FLT4: variants seen among roughly 807,000 people sequenced by gnomAD.
The protein encoded by FLT4 is vascular endothelial growth factor receptor 3.
A neutral mutation model predicts 163.2 loss-of-function variants in FLT4; 30 were observed. That is an observed-to-expected ratio of 0.18 (90% CI 0.14 to 0.25). FLT4 has a LOEUF of 0.25. FLT4 is among the 10% of genes least tolerant of loss of function. The pLI is 1.00. For missense variants in FLT4, 1,510 were observed against 1,863.8 expected (o/e 0.81, Z 3.50); for synonymous variants, 884 against 789.5 (o/e 1.12, Z -2.01).
intron 13 of FLT4, 128 bp from the exon 14 acceptor site, chr5:180,621,380 C>A: frequency 1.4e-6 from 2 of 1,398,838 alleles, no homozygotes; most frequent in East Asian, 2.4e-5. Context: ...CGGGCAGGAG[C>A]GCGGCGCGCC....
chr5:180,649,541 T>C lies in FLT4; in HGVS notation c.5A>G (p.Gln2Arg). 1 of 1,434,058 alleles carries C rather than the reference T, an allele frequency of 7.0e-7. No individual in the cohort carries two copies. The highest frequency in any genetic ancestry group is 1.5e-5 in the African/African-American group (1 of 67,316). 88.8% of individuals were successfully genotyped at this position (1,434,058 alleles called of 1,614,324 possible). Residue 2 changes from glutamine (Q) to arginine (R), a missense_variant, in exon 1 of 30, where the codon CAG becomes CGG. Gln to Arg is a conservative substitution (Grantham distance 43). Around this residue, in one of 5 missense-constraint regions of FLT4, gnomAD observed 157 missense variants for 178.7 expected, o/e 0.88. Transcript: ENST00000261937. M[Q>R]RGAALCLRLW... is the part of the protein sequence containing the mutation. ...TCGCAGGCACAGCGCGGCGCCCCGCTGCATCTCCGGCCGCTGCGCGTGGGT... is the reference window on the plus strand; with the variant it reads ...TCGCAGGCACAGCGCGGCGCCCCGCCGCATCTCCGGCCGCTGCGCGTGGGT...
Position 180,602,877 on chromosome 5 carries a change from T to G in FLT4, c.*315A>C. On this transcript the variant is annotated 3_prime_UTR_variant, in exon 30 of 30. Coordinates refer to ENST00000261937, the MANE Select transcript of FLT4 (RefSeq NM_182925.5). The stretch of plus-strand genomic sequence containing the variant: ...CACCACCCAGTGTGATGAAAGGAGG[T>G]CGCCAAAGAGACATTCCCATGGAAG... 3.5e-6 allele frequency: 2 copies of G among 571,480 alleles called. No individual in the cohort carries two copies. Among genetic ancestry groups the G allele is most frequent in the Non-Finnish European group, 6.2e-6 (2 of 321,898 alleles). 35.4% of individuals were successfully genotyped at this position (571,480 alleles called of 1,614,324 possible). A position where few individuals can be genotyped will look rare whatever the true frequency, so the allele number is the denominator to read the frequency against.
intron 29 of FLT4, chr5:180,608,398 C>T (rs552467915): frequency 1.2e-5 from 8 of 695,034 alleles, no homozygotes; most frequent in Admixed American, 8.0e-5. Context: ...TAAATATCAG[C>T]GTGCTCAGCC....
At position 180,630,788 on chromosome 5, in the gene FLT4, G is replaced by A. The variant is rs754931643; in HGVS notation, c.167C>T (p.Pro56Leu). ...SLSISCRGQH[P>L]LEWAWPGAQE... Reference sequence around the variant, plus strand: ...AGCTCCTGGCCAAGCCCACTCGAGGGGGTGCTGTCCCCTGGCAGAGGACAG... The same window carrying A: ...AGCTCCTGGCCAAGCCCACTCGAGGAGGTGCTGTCCCCTGGCAGAGGACAG... Residue 56 changes from proline to leucine, a missense_variant, in exon 3 of 30, where the codon CCC (proline) becomes CTC (leucine). By Grantham distance (98) the Pro-to-Leu change is moderately conservative. This residue lies in a region of FLT4 where 157 missense variants were observed against 178.7 expected (regional missense o/e 0.88). Transcript: ENST00000261937. This position sits in a 1 kb window ranked among gnomAD's most constrained non-coding sequence, Gnocchi z 6.3. 1 of 1,604,052 alleles carries A rather than the reference G, an allele frequency of 6.2e-7. No homozygotes were observed.
At chr5:180,607,747 C>T (rs1438643833) in intron 29 of FLT4, among the ~76,000 whole-genome samples, 2 of 151,864 alleles carry the variant, frequency 1.3e-5, no homozygotes, top group Non-Finnish European at 1.5e-5. Flanking sequence ...CATTATCAGT[C>T]ATTAGTATAA....
intron 29 of FLT4, among the ~76,000 whole-genome samples, chr5:180,604,603 C>T (rs1761692626): frequency 6.6e-6 from 1 of 152,196 alleles, no homozygotes; most frequent in East Asian, 1.9e-4. Flanking sequence ...CTCGCCTTGA[C>T]CTAGGGGGTG....
intron 29 of FLT4, among the ~76,000 whole-genome samples, chr5:180,603,766 T>C (rs554785891): frequency 1.3e-5 from 2 of 151,676 alleles, no homozygotes; most frequent in Non-Finnish European, 2.9e-5. Flanking sequence ...TAGCCGGGCG[T>C]GGTGGCGGGC....
intron 13 of FLT4, 144 bp downstream of exon 13, chr5:180,621,398 G>C: frequency 7.1e-7 from 1 of 1,413,564 alleles, no homozygotes. Flanking sequence ...GCCTCCGCAG[G>C]GGGCGGCGGA....
rs373327722 is a variant in FLT4, at chr5:180,619,379, C to T, written c.2648-13G>A. ...GCCGTGGCGCCCTCTGGAGGGGACA[C>T]GGGCCTCACACCGGCCCCGACCCTG... On this transcript the variant is annotated splice_polypyrimidine_tract_variant and intron_variant, in intron 18 of 29. Coordinates refer to ENST00000261937, the MANE Select transcript of FLT4 (RefSeq NM_182925.5). 1.9e-6 allele frequency: 3 copies of T among 1,593,554 alleles called. No individual in the cohort carries two copies. In the African/African-American group the frequency reaches 4.0e-5, roughly 21 times the overall value.
intron 1 of FLT4, among the ~76,000 whole-genome samples, chr5:180,637,478 C>T (rs900437295): frequency 6.6e-6 from 1 of 152,220 alleles, no homozygotes; most frequent in Non-Finnish European, 1.5e-5. Flanking sequence ...GTCCCCCCAC[C>T]ACGGATTTCT....
At chr5:180,619,842 C>A in intron 17 of FLT4, 73 bp from the exon 18 acceptor site, 1 of 1,129,662 alleles carries the variant, frequency 8.9e-7, no homozygotes, top group Non-Finnish European at 1.3e-6. Flanking sequence ...GGCGGGGGAG[C>A]CCCGTGCAGA....
Position 180,620,810 on chromosome 5 carries a change from G to T in FLT4, c.2299+66C>A, listed in dbSNP as rs1214499904. The T allele has an allele frequency of 6.2e-7, 1 of 1,606,832 alleles. No homozygotes were observed. Among genetic ancestry groups the T allele is most frequent in the African/African-American group, 1.3e-5 (1 of 74,830 alleles). ...CTTCTGGTGGCCACGACTTGCCCAAGGTGGCCACAAGAAAGCGTTAACTGG... is the reference window on the plus strand; with the variant it reads ...CTTCTGGTGGCCACGACTTGCCCAATGTGGCCACAAGAAAGCGTTAACTGG... On this transcript the variant is annotated intron_variant, in intron 15 of 29. Coordinates refer to ENST00000261937, the MANE Select transcript of FLT4 (RefSeq NM_182925.5). This position sits in a 1 kb window ranked among gnomAD's most constrained non-coding sequence, Gnocchi z 4.4.
At position 180,603,308 on chromosome 5, in the gene FLT4, C is replaced by T. The variant is rs1180832689; in HGVS notation, c.3976G>A (p.Ala1326Thr). 3 of 1,613,890 alleles carry T rather than the reference C, an allele frequency of 1.9e-6. No homozygotes were observed. The highest frequency in any genetic ancestry group is 2.5e-6 in the Non-Finnish European group (3 of 1,179,920). ...QGRRRRPERG[A>T]RGGQVFYNSE... ...TTGTAAAACACCTGGCCTCCTCGGG[C>T]CCCCCGCTCAGGCCGCCGCCGCCTC... The change falls in exon 30 of 30, where the codon GCC becomes ACC. Residue 1326 changes from alanine to threonine, a missense_variant. Ala to Thr is a moderately conservative substitution (Grantham distance 58, BLOSUM62 0). Coordinates refer to ENST00000261937, the MANE Select transcript of FLT4 (RefSeq NM_182925.5).
chr5:180,619,646 C>A lies in FLT4; in HGVS notation c.2647+19G>T, dbSNP rs1459904168. On this transcript the variant is annotated intron_variant, in intron 18 of 29. Transcript: ENST00000261937. ...CTCCTCACCAGCTAGGCTGCCCCTT[C>A]CGCCCGCTGACCCCACACCTTTCAG... is the stretch of plus-strand genomic sequence containing the variant. 3 of 1,598,632 alleles carry A rather than the reference C, an allele frequency of 1.9e-6. No homozygotes were observed. The highest frequency in any genetic ancestry group is 2.6e-6 in the Non-Finnish European group (3 of 1,167,188).
rs1208386744 is a variant in FLT4, at chr5:180,629,717, G to A, written c.795C>T (p.Asp265=). ...TCACCTGCTTCCCTGGGTAGTCCCA[G>A]TCAAAGGTGACACCTGAGTTAAACT... ...WAEFNSGVTF[D]WDYPGKQAER... Residue 265 remains aspartate, a synonymous_variant, in exon 6 of 30, where the codon GAC becomes GAT. Transcript: ENST00000261937. 1 of 1,611,586 alleles carries A rather than the reference G, an allele frequency of 6.2e-7. No homozygotes were observed.
chr5:180,619,662 C>T lies in FLT4; in HGVS notation c.2647+3G>A, dbSNP rs753308828. On this transcript the variant is annotated splice_donor_region_variant and intron_variant, in intron 18 of 29. Coordinates refer to ENST00000261937, the MANE Select transcript of FLT4 (RefSeq NM_182925.5). ...CTGCCCCTTCCGCCCGCTGACCCCACACCTTTCAGCATTTTCACGGCCACG... is the reference window on the plus strand; with the variant it reads ...CTGCCCCTTCCGCCCGCTGACCCCATACCTTTCAGCATTTTCACGGCCACG... The T allele has an allele frequency of 6.2e-7, 1 of 1,610,778 alleles. No individual in the cohort carries two copies. Among genetic ancestry groups the T allele is most frequent in the South Asian group, 1.1e-5 (1 of 91,070 alleles).
intron 1 of FLT4, among the ~76,000 whole-genome samples, chr5:180,638,524 G>C (rs936493447): frequency 6.6e-6 from 1 of 152,220 alleles, no homozygotes; most frequent in African/African-American, 2.4e-5. Flanking sequence ...TGCAGTGAGT[G>C]ACACTTTAAA....
At position 180,621,271 on chromosome 5, in the gene FLT4, A is replaced by T. The variant is rs754617788; in HGVS notation, c.2021-19T>A. On this transcript the variant is annotated intron_variant, in intron 13 of 29. Coordinates refer to ENST00000261937, the MANE Select transcript of FLT4 (RefSeq NM_182925.5). Reference sequence around the variant, plus strand: ...TCCAGGGCTGGGGGCAGGGGTCGAGAGGGAGCTAAGTGGAGCTGCACTTAG... The same window carrying T: ...TCCAGGGCTGGGGGCAGGGGTCGAGTGGGAGCTAAGTGGAGCTGCACTTAG... 2 of 1,609,738 alleles carry T rather than the reference A, an allele frequency of 1.2e-6. No homozygotes were observed. Among genetic ancestry groups the T allele is most frequent in the Non-Finnish European group, 1.7e-6 (2 of 1,177,828 alleles).
At position 180,602,847 on chromosome 5, in the gene FLT4, C is replaced by A; in HGVS notation, c.*345G>T. On this transcript the variant is annotated 3_prime_UTR_variant, in exon 30 of 30. Transcript: ENST00000261937. ...AGATTCCTCGTGGGAAAACAGGGAC[C>A]AGGCCACCACCCAGTGTGATGAAAG... The A allele has an allele frequency of 1.8e-6, 1 of 558,716 alleles. No homozygotes were observed. Among genetic ancestry groups the A allele is most frequent in the Non-Finnish European group, 3.2e-6 (1 of 315,900 alleles). The allele number at this position is 558,716 out of a possible 1,614,324, so 34.6% of individuals were successfully genotyped here. A position where few individuals can be genotyped will look rare whatever the true frequency, so the allele number is the denominator to read the frequency against.
Sources: gnomAD v4.1 joint callset for allele counts (sites outside exome capture counted in the v4.1 genomes callset) on GRCh38, gnomAD v4.1.1 for gene constraint, gnomAD v4.1.1 regional missense constraint, Gnocchi (gnomAD v3.1) non-coding constraint, MANE v1.5 for transcripts, NCBI Gene and HGNC (gene_info 2026-07-23, HGNC 2026-07-21) for gene names.